DCAF5: variants seen among roughly 807,000 people sequenced by gnomAD.
DCAF5 encodes the protein DDB1 and CUL4 associated factor 5, also known as DDB1- and CUL4-associated factor 5.
Under a neutral mutation model 80.7 loss-of-function variants are expected in DCAF5, and 9 were observed. The ratio of observed to expected loss-of-function variants is 0.11; its 90% confidence interval spans 0.07 to 0.19. DCAF5 has a LOEUF of 0.19. Among genes scored for constraint, DCAF5 ranks in the 10% least tolerant of loss-of-function variants. The pLI is 1.00. For synonymous variants in DCAF5, 433 were observed against 461.9 expected (o/e 0.94, Z 0.80); for missense variants, 842 against 1,205.7 (o/e 0.70, Z 4.47).
intron 5 of DCAF5, among the ~76,000 whole-genome samples, chr14:69,108,362 A>G (rs1025800975): frequency 2.0e-5 from 3 of 152,196 alleles, no homozygotes; most frequent in Admixed American, 6.5e-5. Flanking sequence ...AAAATCAAGA[A>G]AACAGGAGAA....
At chr14:69,125,512 A>T (rs973395311) in intron 1 of DCAF5, among the ~76,000 whole-genome samples, 2 of 152,260 alleles carry the variant, frequency 1.3e-5, no homozygotes, top group Non-Finnish European at 2.9e-5. Flanking sequence ...AATACCAAAC[A>T]TATTATAGAA....
chr14:69,145,792 G>C (rs780386027), intron 1 of DCAF5, among the ~76,000 whole-genome samples: 1 of 152,078 alleles, frequency 6.6e-6, no homozygotes, highest in East Asian at 1.9e-4. Flanking sequence ...TTCCACCCTT[G>C]AGTATCTAAA....
Position 69,122,321 on chromosome 14 carries a change from T to G in DCAF5, c.254A>C (p.Gln85Pro). 1 of 1,613,702 alleles carries G rather than the reference T, an allele frequency of 6.2e-7. No individual in the cohort carries two copies. Among genetic ancestry groups the G allele is most frequent in the Admixed American group, 1.7e-5 (1 of 60,016 alleles). Residue 85 changes from glutamine to proline, a missense_variant, in exon 2 of 9, where the codon CAA becomes CCA. By Grantham distance (76) the Gln-to-Pro change is moderately conservative (BLOSUM62 -1). Coordinates refer to ENST00000341516, the MANE Select transcript of DCAF5 (RefSeq NM_003861.3). ...DRRVLLWHMEQAIHSRVKPIQ... is the reference protein window; with the variant it reads ...DRRVLLWHMEPAIHSRVKPIQ... ...GGGCTTGACCCTGGAGTGGATGGCT[T>G]GTTCCATGTGCCATAGCAGAACCCG...
intron 5 of DCAF5, among the ~76,000 whole-genome samples, chr14:69,106,016 A>C (rs2040145748): frequency 6.8e-6 from 1 of 146,424 alleles, no homozygotes; most frequent in African/African-American, 2.5e-5. Flanking sequence ...CAGAATAGGT[A>C]AATATTATTT....
chr14:69,110,875 T>TA (rs1760263483), intron 5 of DCAF5, among the ~76,000 whole-genome samples: 1 of 37,944 alleles, frequency 2.6e-5, no homozygotes, highest in African/African-American at 1.5e-4. Context: ...AGACCCTGTC[T>TA]CAAAAAAAAA....
intron 5 of DCAF5, among the ~76,000 whole-genome samples, chr14:69,098,827 A>G (rs1375344899): frequency 7.4e-6 from 1 of 135,508 alleles, no homozygotes; most frequent in African/African-American, 2.8e-5. Context: ...GAGGAGGCGG[A>G]GCTTGTAGTG....
intron 1 of DCAF5, among the ~76,000 whole-genome samples, chr14:69,123,407 T>C (rs1038630768): frequency 8.5e-5 from 13 of 152,158 alleles, no homozygotes; most frequent in Non-Finnish European, 1.9e-4. Flanking sequence ...TATACTCGCA[T>C]ATCTATGCTT....
In DCAF5 at chr14:69,118,401, C is replaced by T; in HGVS notation, c.396-123G>A. The T allele has an allele frequency of 2.0e-6, 2 of 988,044 alleles. No individual in the cohort carries two copies. The highest frequency in any genetic ancestry group is 3.2e-5 in the African/African-American group (2 of 62,004). The allele number at this position is 988,044 out of a possible 1,614,324, so 61.2% of individuals were successfully genotyped here. On this transcript the variant is annotated intron_variant, in intron 3 of 8. Coordinates refer to ENST00000341516, the MANE Select transcript of DCAF5 (RefSeq NM_003861.3). The surrounding 1 kb of genome is among the most constrained non-coding windows in gnomAD (Gnocchi z 4.0). ...CTAGAAGAAAGTCAACCTAGCTAAA[C>T]CCAAAAAATATTATATTTCCTGAAA...
intron 1 of DCAF5, among the ~76,000 whole-genome samples, chr14:69,141,003 G>A (rs1254324370): frequency 3.3e-5 from 5 of 151,804 alleles, no homozygotes; most frequent in East Asian, 3.9e-4. Context: ...GTGTGGTGGC[G>A]GGCACCTCTA....
At chr14:69,140,781 A>G (rs184541248) in intron 1 of DCAF5, among the ~76,000 whole-genome samples, 9 of 152,236 alleles carry the variant, frequency 5.9e-5, no homozygotes, top group Non-Finnish European at 1.0e-4. Flanking sequence ...GCAAGTGACT[A>G]ACTAACCACT....
intron 7 of DCAF5, among the ~76,000 whole-genome samples, chr14:69,074,640 G>A (rs146785798): frequency 3.3e-5 from 5 of 152,248 alleles, no homozygotes; most frequent in African/African-American, 9.6e-5. Context: ...GACCAGGGAG[G>A]ACAAAGGAAA....
intron 5 of DCAF5, among the ~76,000 whole-genome samples, chr14:69,095,547 A>C (rs958924518): frequency 2.0e-4 from 27 of 133,442 alleles, no homozygotes; most frequent in African/African-American, 5.4e-4. Flanking sequence ...TTGTTTTTTT[A>C]AGTACACACA....
chr14:69,096,727 T>C (rs1049799932), intron 5 of DCAF5, among the ~76,000 whole-genome samples: 4 of 152,148 alleles, frequency 2.6e-5, no homozygotes, highest in African/African-American at 7.2e-5. Context: ...ATCATGACTT[T>C]CCACAAAATA....
At chr14:69,151,121 A>T (rs1429050046) in intron 1 of DCAF5, among the ~76,000 whole-genome samples, 1 of 152,166 alleles carries the variant, frequency 6.6e-6, no homozygotes, top group Non-Finnish European at 1.5e-5. Flanking sequence ...TATAAAGAAG[A>T]GGTCTTCCCC....
rs2037752888 is a variant in DCAF5 at position 69,051,294 on chromosome 14, T to C, written c.*2563A>G. 2 of 152,614 alleles carry C rather than the reference T, an allele frequency of 1.3e-5. No homozygotes were observed. Among genetic ancestry groups the C allele is most frequent in the Non-Finnish European group, 2.9e-5 (2 of 68,042 alleles). 9.5% of individuals were successfully genotyped at this position (152,614 alleles called of 1,614,324 possible). A position where few individuals can be genotyped will look rare whatever the true frequency, so the allele number is the denominator to read the frequency against. Reference sequence around the variant, plus strand: ...TTAAAAATATCTATTATGGAAGAAATTGGGTATTAAATGTGCCATCAAAGT... The same window carrying C: ...TTAAAAATATCTATTATGGAAGAAACTGGGTATTAAATGTGCCATCAAAGT... On this transcript the variant is annotated 3_prime_UTR_variant, in exon 9 of 9. Coordinates refer to ENST00000341516, the MANE Select transcript of DCAF5 (RefSeq NM_003861.3).
intron 5 of DCAF5, among the ~76,000 whole-genome samples, chr14:69,097,234 T>C (rs888127908): frequency 1.3e-5 from 2 of 152,008 alleles, no homozygotes; most frequent in Non-Finnish European, 2.9e-5. Flanking sequence ...GAGAGAAAGG[T>C]CAAGGAAAGA....
At chr14:69,126,985 C>A (rs901947004) in intron 1 of DCAF5, among the ~76,000 whole-genome samples, 2 of 152,158 alleles carry the variant, frequency 1.3e-5, no homozygotes, top group Admixed American at 6.5e-5. Context: ...CTAGATGACA[C>A]CAAATGCTGG....
chr14:69,119,869 T>C (rs942013606), intron 2 of DCAF5, among the ~76,000 whole-genome samples: 12 of 152,204 alleles, frequency 7.9e-5, no homozygotes, highest in African/African-American at 2.9e-4. Flanking sequence ...TTAGCATTTC[T>C]ATGACCTAAC....
intron 5 of DCAF5, among the ~76,000 whole-genome samples, chr14:69,093,378 CT>C (rs2039595647): frequency 6.6e-6 from 1 of 152,074 alleles, no homozygotes; most frequent in South Asian, 2.1e-4. Flanking sequence ...AATCACAGAC[CT>C]GAAAAGGGCC....
Sources: allele counts gnomAD v4.1 joint callset (sites outside exome capture counted in the v4.1 genomes callset), GRCh38; gene constraint gnomAD v4.1.1; non-coding constraint Gnocchi (gnomAD v3.1); transcripts MANE v1.5; gene names NCBI Gene and HGNC (gene_info 2026-07-23, HGNC 2026-07-21).